Variants in SLC35F1 observed in about 807,000 individuals in gnomAD.
The protein encoded by SLC35F1 is chromosome 6 open reading frame 169.
In SLC35F1, 14 loss-of-function variants were observed where a neutral mutation model predicts 48.7. The ratio of observed to expected loss-of-function variants is 0.29; its 90% CI spans 0.19 to 0.45. The LOEUF is 0.45. Ranked by LOEUF, SLC35F1 falls within the 20% of genes least tolerant of loss-of-function variation. The pLI, the probability that SLC35F1 is intolerant of heterozygous loss-of-function variation, is 1.00. For missense variants in SLC35F1, 404 were observed against 500.0 expected (o/e 0.81, Z 1.83); for synonymous variants, 190 against 202.2 (o/e 0.94, Z 0.51).
intron 3 of SLC35F1, among the ~76,000 whole-genome samples, chr6:118,246,689 A>T (rs1775511755): frequency 1.3e-5 from 2 of 152,166 alleles, no homozygotes; most frequent in Non-Finnish European, 1.5e-5. Flanking sequence ...TCTCTCTCTG[A>T]GCATCAATTT....
chr6:118,176,203 A>G (rs530274816), intron 2 of SLC35F1, among the ~76,000 whole-genome samples: 1 of 152,216 alleles, frequency 6.6e-6, no homozygotes, highest in African/African-American at 2.4e-5. Context: ...GTTTAGAGGC[A>G]CACCCCACGC....
chr6:118,110,828 G>A (rs928162498), intron 1 of SLC35F1, among the ~76,000 whole-genome samples: 3 of 152,100 alleles, frequency 2.0e-5, no homozygotes, highest in Non-Finnish European at 4.4e-5. Flanking sequence ...CCTATGATTA[G>A]GTCTCAGTCT....
At chr6:118,010,092 T>C (rs1404607476) in intron 1 of SLC35F1, among the ~76,000 whole-genome samples, 1 of 152,112 alleles carries the variant, frequency 6.6e-6, no homozygotes, top group Non-Finnish European at 1.5e-5. Context: ...TAGGTGGGAG[T>C]TGACTAAAAT....
At chr6:118,154,341 A>C (rs1384788276) in intron 1 of SLC35F1, 104 bp from the exon 2 acceptor site, 12 of 914,112 alleles carry the variant, frequency 1.3e-5, no homozygotes, top group Non-Finnish European at 1.8e-5. Context: ...ATTTAATTGC[A>C]CTTAATCCAG....
chr6:118,113,926 C>T (rs1773442682), intron 1 of SLC35F1, among the ~76,000 whole-genome samples: 1 of 152,194 alleles, frequency 6.6e-6, no homozygotes. Flanking sequence ...CCAGTGTCAT[C>T]TGTTAAATGA....
At chr6:118,143,766 G>C (rs1384558720) in intron 1 of SLC35F1, among the ~76,000 whole-genome samples, 1 of 152,144 alleles carries the variant, frequency 6.6e-6, no homozygotes, top group Non-Finnish European at 1.5e-5. Context: ...GGTAGTTACT[G>C]TCAGAGGCAG....
intron 1 of SLC35F1, among the ~76,000 whole-genome samples, chr6:117,921,374 C>T (rs1347029672): frequency 1.3e-5 from 2 of 152,212 alleles, no homozygotes; most frequent in African/African-American, 2.4e-5. Flanking sequence ...TGTTCCTGAG[C>T]CATATATGGC....
intron 1 of SLC35F1, among the ~76,000 whole-genome samples, chr6:118,043,935 T>C (rs1203076638): frequency 6.6e-6 from 1 of 152,224 alleles, no homozygotes; most frequent in Non-Finnish European, 1.5e-5. Context: ...CTGTACAGGA[T>C]GTGACCTATT....
chr6:118,225,959 A>AT (rs1228349873), intron 2 of SLC35F1, among the ~76,000 whole-genome samples: 2 of 19,166 alleles, frequency 1.0e-4, no homozygotes, highest in African/African-American at 2.9e-4. Context: ...AAATATTTGG[A>AT]AATATTTATT....
intron 1 of SLC35F1, among the ~76,000 whole-genome samples, chr6:118,024,481 C>G (rs1028881323): frequency 6.6e-6 from 1 of 152,070 alleles, no homozygotes; most frequent in Non-Finnish European, 1.5e-5. Context: ...ACATAAAACC[C>G]TTTTTCTTTC....
At chr6:118,303,424 G>C (rs117142908) in intron 7 of SLC35F1, among the ~76,000 whole-genome samples, 1,936 of 152,272 alleles carry the variant, frequency 0.013, 25 homozygotes, top group Non-Finnish European at 0.017. Context: ...TTAGGAGAGA[G>C]GGAAGAGAAT....
chr6:117,937,100 A>G (rs1465457021), intron 1 of SLC35F1, among the ~76,000 whole-genome samples: 4 of 152,214 alleles, frequency 2.6e-5, no homozygotes, highest in African/African-American at 4.8e-5. Flanking sequence ...TCTCATTTTG[A>G]GGATGAGGAA....
intron 1 of SLC35F1, among the ~76,000 whole-genome samples, chr6:118,115,621 T>TAA (rs749821066): frequency 6.6e-6 from 1 of 152,314 alleles, no homozygotes; most frequent in Admixed American, 6.5e-5. Flanking sequence ...ACCTGAGACT[T>TAA]ACGCAGCTCT....
At chr6:118,172,719 TG>T (rs1169122933) in intron 2 of SLC35F1, among the ~76,000 whole-genome samples, 1 of 152,180 alleles carries the variant, frequency 6.6e-6, no homozygotes, top group Non-Finnish European at 1.5e-5. Flanking sequence ...TTTATATGCT[TG>T]GAGATATGAA....
intron 2 of SLC35F1, among the ~76,000 whole-genome samples, chr6:118,228,589 G>A (rs1447845572): frequency 6.6e-6 from 1 of 152,036 alleles, no homozygotes; most frequent in Non-Finnish European, 1.5e-5. Context: ...AGCTACTTGG[G>A]AGGCTGAGGT....
chr6:118,186,715 A>C (rs7748299), intron 2 of SLC35F1, among the ~76,000 whole-genome samples: 1 of 152,190 alleles, frequency 6.6e-6, no homozygotes, highest in African/African-American at 2.4e-5. Flanking sequence ...TAGAGATATA[A>C]AAGTGAATAG....
chr6:118,053,451 A>G (rs1772419236), intron 1 of SLC35F1, among the ~76,000 whole-genome samples: 1 of 152,180 alleles, frequency 6.6e-6, no homozygotes, highest in Non-Finnish European at 1.5e-5. Flanking sequence ...CTTAAATTGT[A>G]AAAATAGTAT....
chr6:118,278,140 C>T (rs1427022775), intron 6 of SLC35F1, among the ~76,000 whole-genome samples: 3 of 152,172 alleles, frequency 2.0e-5, no homozygotes, highest in Non-Finnish European at 4.4e-5. Flanking sequence ...AACCACTTTC[C>T]TCAAAGAAAT....
chr6:118,124,496 G>A (rs1241468235), intron 1 of SLC35F1, among the ~76,000 whole-genome samples: 3 of 152,062 alleles, frequency 2.0e-5, no homozygotes, highest in Non-Finnish European at 4.4e-5. Context: ...TTAGAAAGGA[G>A]AGAAACAAAA....
Sources: gnomAD v4.1 joint callset for allele counts (sites outside exome capture counted in the v4.1 genomes callset) on GRCh38, gnomAD v4.1.1 for gene constraint, MANE v1.5 for transcripts, NCBI Gene and HGNC (gene_info 2026-07-23, HGNC 2026-07-21) for gene names.